Variants in TFB1M observed in about 807,000 individuals in gnomAD.
TFB1M encodes the protein transcription factor B1, mitochondrial, also known as dimethyladenosine transferase 1, mitochondrial.
TFB1M carries 27 observed loss-of-function variants against 31.1 expected under a neutral mutation model. That is an observed-to-expected ratio of 0.87 (90% CI 0.64 to 1.20). The LOEUF (loss-of-function observed/expected upper bound fraction) is 1.20. Ranked by LOEUF, TFB1M falls within the 50% of genes most tolerant of loss-of-function variation. The pLI, the probability that TFB1M is intolerant of heterozygous loss-of-function variation, is 0.00. For synonymous variants in TFB1M, 166 were observed against 151.8 expected, an observed-to-expected ratio of 1.09 and a Z score of -0.69; for missense variants, 394 against 418.7, an observed-to-expected ratio of 0.94 and a Z score of 0.51.
intron 5 of TFB1M, among the ~76,000 whole-genome samples, chr6:155,264,790 G>A (rs1784545013): frequency 6.6e-6 from 1 of 152,062 alleles, no homozygotes. Flanking sequence ...TGTGGTGAGG[G>A]GGATGAAGAG....
rs977893252 is a variant in TFB1M at position 155,285,017 on chromosome 6, T to A, written c.666+141A>T. 23 of 1,051,648 alleles carry A rather than the reference T, an allele frequency of 2.2e-5. No individual in the cohort carries two copies. In the African/African-American group the frequency reaches 3.2e-4, roughly 15 times the overall value. The allele number at this position is 1,051,648 out of a possible 1,614,324, so 65.1% of individuals were successfully genotyped here. The stretch of plus-strand genomic sequence containing the variant: ...CTAGCTATTCATATTACGATTTTTG[T>A]GGTTCTTATTCAGAAGTAAAGTACA... On this transcript the variant is annotated intron_variant, in intron 5 of 6. Coordinates refer to ENST00000367166, the MANE Select transcript of TFB1M (RefSeq NM_016020.4).
downstream of TFB1M, chr6:155,252,065 T>C (rs1424158482): frequency 1.4e-6 from 2 of 1,393,330 alleles, no homozygotes; most frequent in Admixed American, 2.1e-5. Context: ...CCTATTAACG[T>C]TGAACTGAAA....
chr6:155,257,863 CTCT>C lies in TFB1M; in HGVS notation c.1011_1013del (p.Glu338del), dbSNP rs776199149. The C allele has an allele frequency of 1.1e-5, 18 of 1,614,180 alleles. No individual in the cohort carries two copies. Among genetic ancestry groups the C allele is most frequent in the Non-Finnish European group, 1.3e-5 (15 of 1,180,024 alleles). ...AGAGTCTGTAATTCTCTGCGTCATC[CTCT>C]TCTTTTTCTTCATTTTTGCTTTTTC... On this transcript the variant is annotated inframe_deletion, in exon 7 of 7. Transcript: ENST00000367166.
In TFB1M at chr6:155,257,869, T is replaced by C. The variant is rs771448819; in HGVS notation, c.1008A>G (p.Lys336=). The C allele has an allele frequency of 1.2e-6, 2 of 1,614,184 alleles. No individual in the cohort carries two copies. Among genetic ancestry groups the C allele is most frequent in the South Asian group, 2.2e-5 (2 of 91,074 alleles). ...TGTAATTCTCTGCGTCATCCTCTTC[T>C]TTTTCTTCATTTTTGCTTTTTCTTC... ...LKRRKSKNEE[K]EEDDAENYRL The change falls in exon 7 of 7, where the codon AAA becomes AAG. Residue 336 remains lysine (K), a synonymous_variant. Coordinates refer to ENST00000367166, the MANE Select transcript of TFB1M (RefSeq NM_016020.4).
At chr6:155,307,949 T>C (rs1777860379) in intron 2 of TFB1M, among the ~76,000 whole-genome samples, 1 of 151,668 alleles carries the variant, frequency 6.6e-6, no homozygotes, top group Admixed American at 6.6e-5. Context: ...ACTACTTCTC[T>C]GAAAGGGTAC....
the TFB1M span, chr6:155,243,919 C>G: frequency 1.1e-5 from 9 of 802,090 alleles, no homozygotes; most frequent in East Asian, 2.8e-4. Context: ...TGATGGGAGC[C>G]TTGGGAGCTG....
chr6:155,275,566 T>C (rs1014664), intron 5 of TFB1M: 53,598 of 730,142 alleles, frequency 0.073, 2,788 homozygotes, highest in East Asian at 0.19. Context: ...GGAAGCCTTT[T>C]GTTTACTTAC....
Position 155,309,288 on chromosome 6 carries a change from T to C in TFB1M, c.285+1900A>G, listed in dbSNP as rs533220101. On this transcript the variant is annotated intron_variant, in intron 2 of 6. Coordinates refer to ENST00000367166, the MANE Select transcript of TFB1M (RefSeq NM_016020.4). The stretch of plus-strand genomic sequence containing the variant: ...AGACATTTACTGAACACCTGCTATG[T>C]GCTAGGCACTGTTACGTGAGATAGA... 2.6e-5 allele frequency among the ~76,000 whole-genome samples: 4 copies of C among 152,356 alleles called. No homozygotes were observed. In the East Asian group the frequency reaches 7.7e-4, roughly 29 times the overall value.
chr6:155,305,233 T>TA (rs1491334276), intron 2 of TFB1M, among the ~76,000 whole-genome samples: 63 of 36,374 alleles, frequency 1.7e-3, no homozygotes, highest in South Asian at 3.3e-3. Flanking sequence ...TATATATATA[T>TA]TAAATTATAT....
chr6:155,253,199 A>G (rs1393714198), downstream of TFB1M: 4 of 673,550 alleles, frequency 5.9e-6, no homozygotes, highest in African/African-American at 1.8e-5. Context: ...GGTTGTTTTG[A>G]TGTTCCTTAG....
At position 155,286,866 on chromosome 6, in the gene TFB1M, T is replaced by C. The variant is rs1001959777; in HGVS notation, c.547-1589A>G. ...TTTATTAAAATTTTTAATTTCTGTA[T>C]AATAAAACATTATAAATGTTTGTAA... On this transcript the variant is annotated intron_variant, in intron 4 of 6. Coordinates refer to ENST00000367166, the MANE Select transcript of TFB1M (RefSeq NM_016020.4). Among the ~76,000 whole-genome samples, 6 of 151,768 alleles carry C rather than the reference T, an allele frequency of 4.0e-5. No individual in the cohort carries two copies. The East Asian group carries it at 1.2e-3, about 29-fold the overall frequency.
intron 2 of TFB1M, among the ~76,000 whole-genome samples, chr6:155,305,246 TTATATATATATTAAATTATATATTTATA>T (rs1777638827): frequency 3.0e-5 from 1 of 32,808 alleles, no homozygotes; most frequent in African/African-American, 1.3e-4. Flanking sequence ...AATTATATAT[TTATATATATATTAAATTATATATTTATA>T]TATATATATT....
the TFB1M span, chr6:155,244,123 GTC>G: frequency 2.6e-6 from 4 of 1,565,620 alleles, no homozygotes; most frequent in Non-Finnish European, 3.5e-6. Flanking sequence ...CCACAGGTTA[GTC>G]TCTGTTTGCC....
At chr6:155,312,813 T>C (rs1778072805) in intron 1 of TFB1M, among the ~76,000 whole-genome samples, 1 of 152,016 alleles carries the variant, frequency 6.6e-6, no homozygotes, top group African/African-American at 2.4e-5. Context: ...CACAGACCTA[T>C]AACTTCTGCC....
At chr6:155,297,202 CAAAGA>C in intron 3 of TFB1M, 98 bp from the exon 4 acceptor site, 1 of 1,286,744 alleles carries the variant, frequency 7.8e-7, no homozygotes, top group African/African-American at 1.5e-5. Flanking sequence ...TTAATAGCAT[CAAAGA>C]AAAATATATA....
chr6:155,233,706 C>T, the TFB1M span, among the ~76,000 whole-genome samples: 43 of 152,272 alleles, frequency 2.8e-4, no homozygotes, highest in South Asian at 1.0e-3. Context: ...TGGTGGCTCA[C>T]GCCTATAATC....
intron 5 of TFB1M, among the ~76,000 whole-genome samples, chr6:155,283,738 T>A (rs939868015): frequency 1.2e-4 from 18 of 152,382 alleles, no homozygotes; most frequent in African/African-American, 4.1e-4. Context: ...TAGAGGCCTA[T>A]GAGTAAGGAT....
chr6:155,302,494 CA>C (rs1185136027), intron 2 of TFB1M, among the ~76,000 whole-genome samples: 5 of 152,066 alleles, frequency 3.3e-5, no homozygotes, highest in African/African-American at 1.2e-4. Context: ...GGGAAGGTTA[CA>C]GCATGATGTC....
chr6:155,254,150 TTGA>T (rs996946159), downstream of TFB1M: 23 of 1,383,004 alleles, frequency 1.7e-5, no homozygotes, highest in African/African-American at 2.9e-5. Flanking sequence ...CTCCTGAATT[TTGA>T]TGATATCAGG....
Sources: allele counts gnomAD v4.1 joint callset (sites outside exome capture counted in the v4.1 genomes callset), GRCh38; gene constraint gnomAD v4.1.1; transcripts MANE v1.5; gene names NCBI Gene and HGNC (gene_info 2026-07-23, HGNC 2026-07-21).